The following POC1A variants were observed in gnomAD, a reference collection of about 807,000 sequenced individuals.
The protein encoded by POC1A is POC1 centriolar protein homolog A.
POC1A carries 34 observed loss-of-function variants against 47.8 expected under a neutral mutation model. That is an observed-to-expected ratio of 0.71 (90% CI 0.54 to 0.95). POC1A has a LOEUF of 0.95. POC1A is among the 40% of genes least tolerant of loss of function. The pLI is 0.00. For missense variants in POC1A, 466 were observed against 528.3 expected, an observed-to-expected ratio of 0.88 and a Z score of 1.16; for synonymous variants, 177 against 207.6, an observed-to-expected ratio of 0.85 and a Z score of 1.27.
Position 52,122,564 on chromosome 3 carries a change from C to A in POC1A, c.883-87G>T, listed in dbSNP as rs1703822737. ...GAGGAAATGGGCTCAGAGGCCATGC[C>A]CAAAGTTCTGAGCCATGGTGGGATA... On this transcript the variant is annotated intron_variant, in intron 8 of 10. Coordinates refer to ENST00000296484, the MANE Select transcript of POC1A (RefSeq NM_015426.5). 1.2e-5 allele frequency: 10 copies of A among 851,322 alleles called. No individual in the cohort carries two copies. In the South Asian group the frequency reaches 1.4e-4, roughly 12 times the overall value. The allele number at this position is 851,322 out of a possible 1,614,324, so 52.7% of individuals were successfully genotyped here. A position where few individuals can be genotyped will look rare whatever the true frequency, so the allele number is the denominator to read the frequency against.
At chr3:52,085,275 G>C (rs1702422719) in intron 10 of POC1A, among the ~76,000 whole-genome samples, 2 of 152,154 alleles carry the variant, frequency 1.3e-5, no homozygotes, top group Admixed American at 1.3e-4. Context: ...CAGGGCTCGA[G>C]GCACTTCCCT....
At chr3:52,142,950 C>A (rs898010220) in intron 6 of POC1A, among the ~76,000 whole-genome samples, 1 of 152,076 alleles carries the variant, frequency 6.6e-6, no homozygotes, top group African/African-American at 2.4e-5. Context: ...TTCCCCCTAC[C>A]CAGGGAGCTC....
At chr3:52,144,094 A>C (rs929786048) in intron 6 of POC1A, among the ~76,000 whole-genome samples, 5 of 152,196 alleles carry the variant, frequency 3.3e-5, no homozygotes, top group Admixed American at 2.6e-4. Flanking sequence ...TCACAAAGCC[A>C]TGAGGAAGGC....
intron 7 of POC1A, among the ~76,000 whole-genome samples, chr3:52,131,768 T>C (rs911482906): frequency 1.3e-5 from 2 of 151,890 alleles, no homozygotes; most frequent in Non-Finnish European, 2.9e-5. Context: ...CAAAGCAAAA[T>C]GTTCTGGGGG....
At chr3:52,151,628 A>AAT (rs1559856704) in intron 1 of POC1A, among the ~76,000 whole-genome samples, 1 of 151,562 alleles carries the variant, frequency 6.6e-6, no homozygotes, top group Non-Finnish European at 1.5e-5. Flanking sequence ...AAAAAAAAAA[A>AAT]AGGAATAATT....
intron 7 of POC1A, among the ~76,000 whole-genome samples, chr3:52,129,359 T>C (rs1297111950): frequency 6.6e-6 from 1 of 152,238 alleles, no homozygotes; most frequent in Non-Finnish European, 1.5e-5. Flanking sequence ...CAGCCAGATA[T>C]GATACATGTT....
chr3:52,091,494 T>C (rs545382799), intron 10 of POC1A, among the ~76,000 whole-genome samples: 4 of 152,198 alleles, frequency 2.6e-5, no homozygotes, highest in Non-Finnish European at 5.9e-5. Flanking sequence ...AAGGGTCTGA[T>C]CTAATGGGCC....
chr3:52,102,714 A>C (rs1017231652), intron 9 of POC1A, among the ~76,000 whole-genome samples: 4 of 152,220 alleles, frequency 2.6e-5, no homozygotes, highest in Non-Finnish European at 5.9e-5. Context: ...TATGTGCAAA[A>C]TGTGTATGTT....
intron 9 of POC1A, among the ~76,000 whole-genome samples, chr3:52,120,148 T>C (rs1047014359): frequency 2.0e-5 from 3 of 152,320 alleles, no homozygotes; most frequent in Admixed American, 2.0e-4. Flanking sequence ...TTTGGAAAGA[T>C]GAAGATCTTC....
intron 10 of POC1A, among the ~76,000 whole-genome samples, chr3:52,092,501 C>G (rs1191574237): frequency 2.0e-5 from 3 of 152,158 alleles, no homozygotes; most frequent in Non-Finnish European, 4.4e-5. Flanking sequence ...AACACATTAT[C>G]TGCACCTGGC....
intron 7 of POC1A, among the ~76,000 whole-genome samples, chr3:52,125,996 C>A (rs943364169): frequency 6.6e-6 from 1 of 152,262 alleles, no homozygotes; most frequent in East Asian, 1.9e-4. Context: ...GAGTAAGGAT[C>A]TGTTTAGCTA....
At chr3:52,120,528 C>T (rs772541517) in intron 9 of POC1A, among the ~76,000 whole-genome samples, 8 of 152,202 alleles carry the variant, frequency 5.3e-5, no homozygotes, top group Admixed American at 2.6e-4. Context: ...CAGAGCCTGC[C>T]TATGGGCGTA....
chr3:52,108,318 C>A (rs1413393679), intron 9 of POC1A, among the ~76,000 whole-genome samples: 2 of 152,164 alleles, frequency 1.3e-5, no homozygotes, highest in East Asian at 3.8e-4. Flanking sequence ...TGTGTCAGCT[C>A]CACTTGCAGC....
chr3:52,139,998 A>G (rs1295041640), intron 6 of POC1A, among the ~76,000 whole-genome samples: 1 of 152,144 alleles, frequency 6.6e-6, no homozygotes, highest in African/African-American at 2.4e-5. Flanking sequence ...TAAAATAACC[A>G]TGACCCTGCC....
chr3:52,109,816 A>G lies in POC1A; in HGVS notation c.981+12563T>C, dbSNP rs368605497. On this transcript the variant is annotated intron_variant, in intron 9 of 10. Transcript: ENST00000296484. The stretch of plus-strand genomic sequence containing the variant: ...TTTTTCCATGGCAACCAATAAGAAC[A>G]TAAACACAAGCACTATCCAACACCC... Among the ~76,000 whole-genome samples the G allele has an allele frequency of 5.9e-5, 9 of 152,346 alleles. No homozygotes were observed. In the East Asian group the frequency reaches 1.5e-3, roughly 26 times the overall value.
At chr3:52,148,653 GC>G (rs1401639272) in intron 4 of POC1A, among the ~76,000 whole-genome samples, 1 of 152,168 alleles carries the variant, frequency 6.6e-6, no homozygotes, top group Non-Finnish European at 1.5e-5. Flanking sequence ...CGAAGCCTGC[GC>G]CCCCATCTGG....
intron 7 of POC1A, among the ~76,000 whole-genome samples, chr3:52,129,545 T>C (rs1704134121): frequency 6.6e-6 from 1 of 152,218 alleles, no homozygotes; most frequent in Non-Finnish European, 1.5e-5. Context: ...CAGCGGCTCC[T>C]GGCTGGGCCT....
intron 10 of POC1A, among the ~76,000 whole-genome samples, chr3:52,094,328 C>T (rs186662011): frequency 1.4e-3 from 209 of 152,304 alleles, no homozygotes; most frequent in Non-Finnish European, 9.8e-4. Flanking sequence ...TGGTGGTGGC[C>T]GCCTGGCACT....
At chr3:52,110,759 G>A (rs1418416683) in intron 9 of POC1A, among the ~76,000 whole-genome samples, 2 of 152,176 alleles carry the variant, frequency 1.3e-5, no homozygotes, top group African/African-American at 4.8e-5. Context: ...CTCTGCCTGG[G>A]GCCATGTGTG....
Sources: allele counts gnomAD v4.1 joint callset (sites outside exome capture counted in the v4.1 genomes callset), GRCh38; gene constraint gnomAD v4.1.1; transcripts MANE v1.5; gene names NCBI Gene and HGNC (gene_info 2026-07-23, HGNC 2026-07-21).